Variants in NME9 observed in about 807,000 individuals in gnomAD.
NME9 encodes NME/NM23 family member 9.
NME9 carries 48 observed loss-of-function variants against 44.4 expected under a neutral mutation model. The ratio of observed to expected loss-of-function variants is 1.08; its 90% CI spans 0.86 to 1.37. The LOEUF is 1.37. NME9 is among the 40% of genes most tolerant of loss of function. The probability of loss-of-function intolerance (pLI) is 0.00; values close to 1 mark genes in which losing one functional copy is unlikely to be tolerated. For synonymous variants in NME9, 139 were observed against 147.1 expected (o/e 0.94, Z 0.40); for missense variants, 325 against 405.2 (o/e 0.80, Z 1.70).
In NME9 at chr3:138,301,587, G is replaced by GA; in HGVS notation, c.*52_*53insT. ...GAGTAAGTTCCGATTCCGGAGGTCT[G>GA]TTTTGTGCAGTAGACCCCTGGTCAC... is the stretch of plus-strand genomic sequence containing the variant. On this transcript the variant is annotated 3_prime_UTR_variant, in exon 11 of 11. Transcript: ENST00000333911. 3.3e-6 allele frequency: 5 copies of GA among 1,534,240 alleles called. No individual in the cohort carries two copies. Among genetic ancestry groups the GA allele is most frequent in the Non-Finnish European group, 4.4e-6 (5 of 1,146,274 alleles).
At chr3:138,312,131 A>C (rs919233407) in intron 6 of NME9, among the ~76,000 whole-genome samples, 5 of 152,176 alleles carry the variant, frequency 3.3e-5, no homozygotes, top group African/African-American at 1.2e-4. Context: ...ACACACACAA[A>C]TGGAAAGATA....
intron 8 of NME9, among the ~76,000 whole-genome samples, chr3:138,269,526 C>A (rs2048579665): frequency 6.6e-6 from 1 of 152,148 alleles, no homozygotes; most frequent in African/African-American, 2.4e-5. Flanking sequence ...ATAAATTCTG[C>A]AGCATGTTTG....
chr3:138,312,816 A>T (rs971536965), intron 6 of NME9, among the ~76,000 whole-genome samples: 1 of 152,230 alleles, frequency 6.6e-6, no homozygotes, highest in African/African-American at 2.4e-5. Context: ...AAGTGAAGAG[A>T]CAACCCACAG....
At chr3:138,309,571 G>A (rs1307903317) in intron 6 of NME9, among the ~76,000 whole-genome samples, 1 of 152,086 alleles carries the variant, frequency 6.6e-6, no homozygotes, top group Non-Finnish European at 1.5e-5. Context: ...TGTAATCCCA[G>A]CTACCCAGGA....
In NME9 at chr3:138,303,562, C is replaced by G; in HGVS notation, c.873G>C (p.Leu291=). ...SRDREDADRE[L]ALLFPSLKFS... ...ATTTCAAACTGGGGAAGAGCAATGC[C>G]AGTTCTCTGTCAGCATCTTCTCTGT... Residue 291 remains leucine (L), a synonymous_variant, in exon 10 of 11, where the codon CTG becomes CTC. Coordinates refer to ENST00000333911, the MANE Select transcript of NME9 (RefSeq NM_001349018.2). 1 of 1,613,632 alleles carries G rather than the reference C, an allele frequency of 6.2e-7. No homozygotes were observed. The highest frequency in any genetic ancestry group is 8.5e-7 in the Non-Finnish European group (1 of 1,179,496).
At chr3:138,293,021 G>A (rs2051119752) in intron 8 of NME9, among the ~76,000 whole-genome samples, 1 of 152,154 alleles carries the variant, frequency 6.6e-6, no homozygotes, top group South Asian at 2.1e-4. Context: ...AGCCTTGCCT[G>A]ACCCACTCTC....
chr3:138,267,139 T>G, intron 8 of NME9: 2 of 1,420,626 alleles, frequency 1.4e-6, no homozygotes, highest in Non-Finnish European at 1.9e-6. Flanking sequence ...AGTAGTATCC[T>G]TTTTTAATTC....
chr3:138,313,527 C>A (rs564767482), intron 6 of NME9, among the ~76,000 whole-genome samples: 26 of 152,204 alleles, frequency 1.7e-4, no homozygotes, highest in African/African-American at 6.3e-4. Context: ...CCTGAAAAAA[C>A]AAAACTAGAG....
chr3:138,303,955 C>G (rs2052034131), intron 9 of NME9, among the ~76,000 whole-genome samples: 1 of 152,182 alleles, frequency 6.6e-6, no homozygotes, highest in South Asian at 2.1e-4. Context: ...AGCACAGGAG[C>G]TGCCATTTTT....
Position 138,301,329 on chromosome 3 carries a change from C to T in NME9, c.*311G>A, listed in dbSNP as rs185791205. 30 of 361,904 alleles carry T rather than the reference C, an allele frequency of 8.3e-5. No homozygotes were observed. The highest frequency in any genetic ancestry group is 1.2e-4 in the Non-Finnish European group (27 of 233,346). 22.4% of individuals were successfully genotyped at this position (361,904 alleles called of 1,614,324 possible). On this transcript the variant is annotated 3_prime_UTR_variant, in exon 11 of 11. Coordinates refer to ENST00000333911, the MANE Select transcript of NME9 (RefSeq NM_001349018.2). ...AAGCGATTCTCATGCCTAAGCCACC[C>T]GAGTAGCTGGATGACAGGTGCACAC...
At chr3:138,308,477 T>G (rs1475926216) in intron 6 of NME9, among the ~76,000 whole-genome samples, 1 of 152,036 alleles carries the variant, frequency 6.6e-6, no homozygotes. Flanking sequence ...AGAAGTACTG[T>G]GATACCCAGG....
At chr3:138,307,253 A>C (rs981740151) in intron 6 of NME9, among the ~76,000 whole-genome samples, 1 of 152,210 alleles carries the variant, frequency 6.6e-6, no homozygotes, top group Non-Finnish European at 1.5e-5. Flanking sequence ...CCAATTAGCT[A>C]TGACAATGAG....
chr3:138,305,222 G>A (rs1387117308), intron 8 of NME9, among the ~76,000 whole-genome samples, 195 bp from the exon 9 acceptor site: 1 of 152,176 alleles, frequency 6.6e-6, no homozygotes, highest in Admixed American at 6.5e-5. Flanking sequence ...GGGTGTCAGG[G>A]ATGGGTGGTA....
At chr3:138,313,207 A>G (rs2052822088) in intron 6 of NME9, among the ~76,000 whole-genome samples, 1 of 152,176 alleles carries the variant, frequency 6.6e-6, no homozygotes, top group African/African-American at 2.4e-5. Context: ...CCTGGCCAAC[A>G]TGGCGAAATC....
chr3:138,274,702 C>A (rs2108314111), intron 8 of NME9, among the ~76,000 whole-genome samples: 1 of 152,310 alleles, frequency 6.6e-6, no homozygotes, highest in East Asian at 1.9e-4. Flanking sequence ...CCCTTAAACT[C>A]TCTTTAAGAC....
At chr3:138,261,733 G>T (rs1192405962) in exon 9 of NME9, 3 of 152,176 alleles carry the variant, frequency 2.0e-5, no homozygotes, top group Non-Finnish European at 4.4e-5. Context: ...GTAAAGATGT[G>T]AGAACATTAT....
intron 8 of NME9, among the ~76,000 whole-genome samples, chr3:138,281,624 C>G (rs1029437403): frequency 6.6e-6 from 1 of 152,062 alleles, no homozygotes; most frequent in Non-Finnish European, 1.5e-5. Context: ...TGCTTGTCTC[C>G]ATAGGAATAT....
intron 4 of NME9, among the ~76,000 whole-genome samples, chr3:138,316,383 C>T (rs1253439343): frequency 6.6e-6 from 1 of 152,156 alleles, no homozygotes; most frequent in Admixed American, 6.5e-5. Context: ...AACATAGCTG[C>T]AGCCTTCATG....
chr3:138,271,619 C>G (rs1472850269), intron 8 of NME9, among the ~76,000 whole-genome samples: 2 of 152,096 alleles, frequency 1.3e-5, no homozygotes, highest in Non-Finnish European at 2.9e-5. Flanking sequence ...AATATAAAAC[C>G]TTAGAGTCAT....
Sources: allele counts gnomAD v4.1 joint callset (sites outside exome capture counted in the v4.1 genomes callset), GRCh38; gene constraint gnomAD v4.1.1; transcripts MANE v1.5; gene names NCBI Gene and HGNC (gene_info 2026-07-23, HGNC 2026-07-21).